DNM1: variants seen among roughly 807,000 people sequenced by gnomAD.
DNM1 encodes dynamin-1.
Under a neutral mutation model 104.6 loss-of-function variants are expected in DNM1, and 29 were observed. That is an observed-to-expected ratio of 0.28 (90% CI 0.21 to 0.38). The LOEUF (loss-of-function observed/expected upper bound fraction) is 0.38. Ranked by LOEUF, DNM1 falls within the 10% of genes least tolerant of loss-of-function variation. DNM1 has a pLI of 1.00. For synonymous variants in DNM1, 445 were observed against 475.8 expected, an observed-to-expected ratio of 0.94 and a Z score of 0.84; for missense variants, 640 against 1,189.4, an observed-to-expected ratio of 0.54 and a Z score of 6.79.
At chr9:128,219,342 G>A in intron 4 of DNM1, 90 bp downstream of exon 4, 1 of 1,156,580 alleles carries the variant, frequency 8.6e-7, no homozygotes, top group Non-Finnish European at 1.3e-6. Flanking sequence ...AACGGTCTAA[G>A]AATAGCGGTG....
In DNM1 at chr9:128,218,966, C is replaced by T; in HGVS notation, c.386-83C>T. 6.6e-7 allele frequency: 1 copy of T among 1,511,444 alleles called. No homozygotes were observed. Among genetic ancestry groups the T allele is most frequent in the Non-Finnish European group, 9.0e-7 (1 of 1,105,060 alleles). The allele number at this position is 1,511,444 out of a possible 1,614,324, so 93.6% of individuals were successfully genotyped here. A position where few individuals can be genotyped will look rare whatever the true frequency, so the allele number is the denominator to read the frequency against. On this transcript the variant is annotated intron_variant, in intron 3 of 21. Coordinates refer to ENST00000372923, the MANE Select transcript of DNM1 (RefSeq NM_004408.4). This position sits in a 1 kb window ranked among gnomAD's most constrained non-coding sequence, Gnocchi z 4.8. The stretch of plus-strand genomic sequence containing the variant: ...CACCTGCCACCCTGCTCCCAAGCAG[C>T]TTCTCTAACCCCGCCCTATTCTTTA...
In DNM1 at chr9:128,251,124, G is replaced by A. The variant is rs1022062616; in HGVS notation, c.2534+184G>A. 1.4e-5 allele frequency: 9 copies of A among 656,146 alleles called. No homozygotes were observed. The African/African-American group carries it at 1.7e-4, about 12-fold the overall frequency. The allele number at this position is 656,146 out of a possible 1,614,324, so 40.6% of individuals were successfully genotyped here. A position where few individuals can be genotyped will look rare whatever the true frequency, so the allele number is the denominator to read the frequency against. ...GAGGGCTGGCGGAGCCTGCCCCCGA[G>A]GGAGCGCTGAGTCCCGGAGGTGGTC... On this transcript the variant is annotated intron_variant, in intron 21 of 21. Transcript: ENST00000372923.
chr9:128,224,467 C>T lies in DNM1; in HGVS notation c.1335+78C>T. 2 of 1,430,858 alleles carry T rather than the reference C, an allele frequency of 1.4e-6. No homozygotes were observed. Among genetic ancestry groups the T allele is most frequent in the Non-Finnish European group, 1.9e-6 (2 of 1,043,948 alleles). The allele number at this position is 1,430,858 out of a possible 1,614,324, so 88.6% of individuals were successfully genotyped here. A position where few individuals can be genotyped will look rare whatever the true frequency, so the allele number is the denominator to read the frequency against. On this transcript the variant is annotated intron_variant, in intron 10 of 21. Transcript: ENST00000372923. This position sits in a 1 kb window ranked among gnomAD's most constrained non-coding sequence, Gnocchi z 4.3. ...CTGCCAGGCGCTCCTTCCCCATGTC[C>T]CCCCCTGCCTCCTCGGTAGCATGTA...
rs1047248384 is a variant in DNM1 at position 128,222,689 on chromosome 9, C to G, written c.1128+93C>G. On this transcript the variant is annotated intron_variant, in intron 8 of 21. Coordinates refer to ENST00000372923, the MANE Select transcript of DNM1 (RefSeq NM_004408.4). The surrounding 1 kb of genome is among the most constrained non-coding windows in gnomAD (Gnocchi z 7.8). ...GCGTGTGTTTTTGCTGGCCCCCACC[C>G]CACAGGCCCTGATGCCCAGCCCTAG... The G allele has an allele frequency of 3.1e-6, 5 of 1,600,644 alleles. No homozygotes were observed. The African/African-American group carries it at 6.7e-5, about 21-fold the overall frequency.
At position 128,240,136 on chromosome 9, in the gene DNM1, C is replaced by T; in HGVS notation, c.1557+140C>T. On this transcript the variant is annotated intron_variant, in intron 14 of 21. Coordinates refer to ENST00000372923, the MANE Select transcript of DNM1 (RefSeq NM_004408.4). The surrounding 1 kb of genome is among the most constrained non-coding windows in gnomAD (Gnocchi z 5.1). ...ACCAGCCCCTGGCATTTCACACCTG[C>T]CCTCAGGCCAGAGGCAGGCCCAGCC... is the stretch of plus-strand genomic sequence containing the variant. 9.8e-7 allele frequency: 1 copy of T among 1,020,026 alleles called. No homozygotes were observed. The highest frequency in any genetic ancestry group is 1.5e-6 in the Non-Finnish European group (1 of 656,642). 63.2% of individuals were successfully genotyped at this position (1,020,026 alleles called of 1,614,324 possible). A position where few individuals can be genotyped will look rare whatever the true frequency, so the allele number is the denominator to read the frequency against.
chr9:128,249,793 T>A (rs1829401509), intron 19 of DNM1, among the ~76,000 whole-genome samples: 1 of 151,168 alleles, frequency 6.6e-6, no homozygotes, highest in Admixed American at 6.6e-5. Context: ...CCCACTGTAC[T>A]CCAGCCTGGT....
At position 128,254,396 on chromosome 9, in the gene DNM1, C is replaced by G; in HGVS notation, c.2535-258C>G. On this transcript the variant is annotated intron_variant, in intron 21 of 21. Transcript: ENST00000372923. This position sits in a 1 kb window ranked among gnomAD's most constrained non-coding sequence, Gnocchi z 6.1. ...GCCTGGGTGCCGTGTGAGAGGCCAG[C>G]GTGTGTGGGGTGGGGAGGGCCGCCA... 2 of 1,417,926 alleles carry G rather than the reference C, an allele frequency of 1.4e-6. No individual in the cohort carries two copies. Among genetic ancestry groups the G allele is most frequent in the Non-Finnish European group, 1.8e-6 (2 of 1,093,574 alleles). 87.8% of individuals were successfully genotyped at this position (1,417,926 alleles called of 1,614,324 possible).
At chr9:128,234,575 C>T (rs1476328588) in intron 11 of DNM1, among the ~76,000 whole-genome samples, 1 of 152,156 alleles carries the variant, frequency 6.6e-6, no homozygotes, top group African/African-American at 2.4e-5. Flanking sequence ...GGTTTCACCA[C>T]GTTGGCCAGG....
intron 10 of DNM1, among the ~76,000 whole-genome samples, chr9:128,232,285 G>A (rs1835743658): frequency 6.6e-6 from 1 of 152,198 alleles, no homozygotes; most frequent in African/African-American, 2.4e-5. Context: ...CAGACTTGGA[G>A]ACTGCAAAGA....
intron 21 of DNM1, chr9:128,252,587 G>A (rs780235693): frequency 2.6e-6 from 1 of 390,678 alleles, no homozygotes; most frequent in Non-Finnish European, 5.1e-6. Context: ...TGTGGGCAGG[G>A]TGGGGCGCAA....
intron 11 of DNM1, 56 bp downstream of exon 11, chr9:128,234,163 C>T (rs1043453493): frequency 7.9e-6 from 11 of 1,396,724 alleles, no homozygotes; most frequent in African/African-American, 7.2e-5. Context: ...TGGCCGCCTG[C>T]GCCTTCCACT....
chr9:128,252,743 C>T, intron 21 of DNM1: 1 of 559,696 alleles, frequency 1.8e-6, no homozygotes, highest in Non-Finnish European at 3.4e-6. Flanking sequence ...CACGGGTGAT[C>T]CTCTAAGCAC....
chr9:128,253,207 C>T lies in DNM1; in HGVS notation c.2535-1447C>T, dbSNP rs1345259491. On this transcript the variant is annotated intron_variant, in intron 21 of 21. Transcript: ENST00000372923. The surrounding 1 kb of genome is among the most constrained non-coding windows in gnomAD (Gnocchi z 5.9). ...CCCGCTGCACTAGCTCCACACGGGGCGCGCACCTGGGACCTCAGAGCCAGG... is the reference window on the plus strand; with the variant it reads ...CCCGCTGCACTAGCTCCACACGGGGTGCGCACCTGGGACCTCAGAGCCAGG... 2.3e-5 allele frequency: 34 copies of T among 1,494,814 alleles called. No homozygotes were observed. The highest frequency in any genetic ancestry group is 4.6e-5 in the East Asian group (2 of 43,906). The allele number at this position is 1,494,814 out of a possible 1,614,324, so 92.6% of individuals were successfully genotyped here. A position where few individuals can be genotyped will look rare whatever the true frequency, so the allele number is the denominator to read the frequency against.
chr9:128,247,964 C>T lies in DNM1; in HGVS notation c.1905+29C>T. The T allele has an allele frequency of 6.2e-7, 1 of 1,614,064 alleles. No homozygotes were observed. The highest frequency in any genetic ancestry group is 1.1e-5 in the South Asian group (1 of 91,082). On this transcript the variant is annotated intron_variant, in intron 18 of 21. Coordinates refer to ENST00000372923, the MANE Select transcript of DNM1 (RefSeq NM_004408.4). The surrounding 1 kb of genome is among the most constrained non-coding windows in gnomAD (Gnocchi z 5.1). Reference sequence around the variant, plus strand: ...AGTGTGCCCTTCTCTTGCCTCCTGCCAGGCATCTGCAGCCTGGCACCAGCT... The same window carrying T: ...AGTGTGCCCTTCTCTTGCCTCCTGCTAGGCATCTGCAGCCTGGCACCAGCT...
At position 128,245,711 on chromosome 9, in the gene DNM1, CCA is replaced by C. The variant is rs909183708; in HGVS notation, c.1672-676_1672-675del. ...GCAAACATGTAGGCTCGCACAATTG[CCA>C]CACACATCCACAAAGTGTGCACACA... On this transcript the variant is annotated intron_variant, in intron 15 of 21. Coordinates refer to ENST00000372923, the MANE Select transcript of DNM1 (RefSeq NM_004408.4). The surrounding 1 kb of genome is among the most constrained non-coding windows in gnomAD (Gnocchi z 5.2). Among the ~76,000 whole-genome samples, 3 of 152,188 alleles carry C rather than the reference CCA, an allele frequency of 2.0e-5. No individual in the cohort carries two copies. The highest frequency in any genetic ancestry group is 4.4e-5 in the Non-Finnish European group (3 of 68,028).
chr9:128,223,865 G>A (rs138004824), intron 9 of DNM1: 6,895 of 159,356 alleles, frequency 0.043, 188 homozygotes, highest in Middle Eastern at 0.064. Flanking sequence ...TGGCTAACAC[G>A]GTGAAACCCT....
At chr9:128,238,545 C>CTTT (rs1271741717) in intron 11 of DNM1, among the ~76,000 whole-genome samples, 2 of 151,916 alleles carry the variant, frequency 1.3e-5, no homozygotes, top group Non-Finnish European at 2.9e-5. Context: ...TTTTAACTTA[C>CTTT]ATTTCTTTAT....
rs191523662 is a variant in DNM1, at chr9:128,245,953, G to A, written c.1672-441G>A. Among the ~76,000 whole-genome samples, 199 of 152,346 alleles carry A rather than the reference G, an allele frequency of 1.3e-3. No individual in the cohort carries two copies. Among genetic ancestry groups the A allele is most frequent in the African/African-American group, 4.6e-3 (190 of 41,584 alleles). The stretch of plus-strand genomic sequence containing the variant: ...CTTATTGCTAACACATGGGGAGCTC[G>A]GGGGAGTGGGCTGAGCCGGCCCTTT... On this transcript the variant is annotated intron_variant, in intron 15 of 21. Coordinates refer to ENST00000372923, the MANE Select transcript of DNM1 (RefSeq NM_004408.4). The surrounding 1 kb of genome is among the most constrained non-coding windows in gnomAD (Gnocchi z 5.2).
intron 10 of DNM1, among the ~76,000 whole-genome samples, chr9:128,225,655 G>T (rs897940517): frequency 1.3e-5 from 2 of 152,156 alleles, no homozygotes; most frequent in Non-Finnish European, 2.9e-5. Flanking sequence ...GGACAAAGAC[G>T]GCACTGGGAG....
Sources: gnomAD v4.1 joint callset for allele counts (sites outside exome capture counted in the v4.1 genomes callset) on GRCh38, gnomAD v4.1.1 for gene constraint, Gnocchi (gnomAD v3.1) non-coding constraint, MANE v1.5 for transcripts, NCBI Gene and HGNC (gene_info 2026-07-23, HGNC 2026-07-21) for gene names.